Variants in MAD1L1 observed in about 807,000 individuals in gnomAD.
MAD1L1 encodes mitotic spindle assembly checkpoint protein MAD1.
A neutral mutation model predicts 96.9 loss-of-function variants in MAD1L1; 95 were observed. The observed-to-expected ratio is 0.98, with a 90% CI of 0.83 to 1.16. The LOEUF (loss-of-function observed/expected upper bound fraction) is 1.16, where lower values mean the gene tolerates loss of function less well. MAD1L1 is among the 50% of genes most tolerant of loss of function. MAD1L1 has a pLI of 0.00. For synonymous variants in MAD1L1, 473 were observed against 396.6 expected, an observed-to-expected ratio of 1.19 and a Z score of -2.29; for missense variants, 1,007 against 954.4, an observed-to-expected ratio of 1.06 and a Z score of -0.73.
At chr7:1,932,244 A>G (rs922755304) in intron 17 of MAD1L1, among the ~76,000 whole-genome samples, 2 of 151,662 alleles carry the variant, frequency 1.3e-5, no homozygotes, top group African/African-American at 4.9e-5. Flanking sequence ...TCTCTGCTCT[A>G]TATCCCAGAA....
intron 10 of MAD1L1, among the ~76,000 whole-genome samples, chr7:2,202,489 A>T (rs969242465): frequency 6.6e-6 from 1 of 152,206 alleles, no homozygotes; most frequent in African/African-American, 2.4e-5. Flanking sequence ...TGGGCTCCAC[A>T]AGAGCAGCTC....
At position 2,224,246 on chromosome 7, in the gene MAD1L1, A is replaced by G. The variant is rs528278239; in HGVS notation, c.291+1164T>C. Among the ~76,000 whole-genome samples, 207 of 152,136 alleles carry G rather than the reference A, an allele frequency of 1.4e-3. 1 individual carries two copies. Among genetic ancestry groups the G allele is most frequent in the African/African-American group, 4.9e-3 (202 of 41,490 alleles). ...CATACCATCAGCATGCTGCCTCCAG[A>G]CCAATGACCTGGTGGCTCCTCTCCA... On this transcript the variant is annotated intron_variant, in intron 4 of 18. Transcript: ENST00000265854.
chr7:2,124,418 G>C (rs760227305), intron 11 of MAD1L1, among the ~76,000 whole-genome samples: 2 of 152,234 alleles, frequency 1.3e-5, no homozygotes, highest in Non-Finnish European at 2.9e-5. Flanking sequence ...CCAGGACAGA[G>C]AGTAAGAAGA....
intron 14 of MAD1L1, among the ~76,000 whole-genome samples, chr7:1,987,407 C>T (rs113046666): frequency 0.018 from 2,749 of 152,326 alleles, 93 homozygotes; most frequent in African/African-American, 0.063. Context: ...TGTGTGCGGC[C>T]GAGCTCGGAA....
intron 17 of MAD1L1, among the ~76,000 whole-genome samples, chr7:1,914,293 G>T (rs1448589239): frequency 6.6e-6 from 1 of 152,236 alleles, no homozygotes; most frequent in African/African-American, 2.4e-5. Flanking sequence ...ACGTGGGAAG[G>T]GACTCTGCAG....
chr7:1,829,847 C>T (rs912061896), intron 18 of MAD1L1, among the ~76,000 whole-genome samples: 1 of 151,970 alleles, frequency 6.6e-6, no homozygotes, highest in African/African-American at 2.4e-5. Context: ...TGACAACTGA[C>T]CGACAGAGGA....
At chr7:1,843,696 C>A (rs920220477) in intron 18 of MAD1L1, among the ~76,000 whole-genome samples, 3 of 152,216 alleles carry the variant, frequency 2.0e-5, no homozygotes, top group African/African-American at 7.2e-5. Flanking sequence ...TGAAGACTCA[C>A]TTCTGGAGTG....
At chr7:1,946,654 T>G (rs1015351815) in intron 16 of MAD1L1, among the ~76,000 whole-genome samples, 10 of 152,244 alleles carry the variant, frequency 6.6e-5, no homozygotes, top group Non-Finnish European at 1.3e-4. Flanking sequence ...AAGAGCCGGC[T>G]GGCGGGTGCA....
At chr7:1,899,548 G>C (rs1188460917) in intron 17 of MAD1L1, among the ~76,000 whole-genome samples, 1 of 152,234 alleles carries the variant, frequency 6.6e-6, no homozygotes, top group Non-Finnish European at 1.5e-5. Flanking sequence ...CTGAGAAAGA[G>C]GATGTTAAAG....
At chr7:2,167,099 G>C (rs1482421315) in intron 10 of MAD1L1, among the ~76,000 whole-genome samples, 1 of 152,214 alleles carries the variant, frequency 6.6e-6, no homozygotes, top group Admixed American at 6.5e-5. Flanking sequence ...TCGCAGATAG[G>C]AGAGTGCCGG....
intron 12 of MAD1L1, among the ~76,000 whole-genome samples, chr7:2,020,790 G>A (rs1375194973): frequency 1.3e-5 from 2 of 151,406 alleles, no homozygotes; most frequent in African/African-American, 4.9e-5. Flanking sequence ...ACAAGGTCTT[G>A]CTCTGTCGTC....
intron 17 of MAD1L1, among the ~76,000 whole-genome samples, chr7:1,920,483 G>C (rs1010288170): frequency 6.6e-6 from 1 of 152,190 alleles, no homozygotes; most frequent in African/African-American, 2.4e-5. Context: ...AGGAAGACCC[G>C]CTGCACGCTC....
chr7:2,225,802 T>A (rs1180053501), intron 3 of MAD1L1, among the ~76,000 whole-genome samples: 1 of 152,216 alleles, frequency 6.6e-6, no homozygotes, highest in Non-Finnish European at 1.5e-5. Flanking sequence ...GGCAACGGCC[T>A]CGAATGCCAC....
chr7:1,906,724 CG>C (rs1787657147), intron 17 of MAD1L1, among the ~76,000 whole-genome samples: 2 of 152,220 alleles, frequency 1.3e-5, no homozygotes, highest in South Asian at 4.1e-4. Flanking sequence ...CCTGAGAACC[CG>C]GAACATGGAA....
Position 1,936,718 on chromosome 7 carries a change from G to A in MAD1L1, c.1776C>T (p.Ala592=), listed in dbSNP as rs549059639. Reference sequence around the variant, plus strand: ...CCTCCTTGGACGATGGCAGACTCGCGGCGGCAGCCTCAAGGTCGGCTGGGA... The same window carrying A: ...CCTCCTTGGACGATGGCAGACTCGCAGCGGCAGCCTCAAGGTCGGCTGGGA... ...GTVPADLEAA[A]ASLPSSKEVA... is the part of the protein sequence containing the mutation. The change falls in exon 17 of 19, where the codon GCC becomes GCT. Residue 592 remains alanine (A), a synonymous_variant. Coordinates refer to ENST00000265854, the MANE Select transcript of MAD1L1 (RefSeq NM_001013836.2). The A allele has an allele frequency of 4.6e-5, 72 of 1,559,820 alleles. No individual in the cohort carries two copies. The highest frequency in any genetic ancestry group is 3.3e-4 in the East Asian group (14 of 41,826).
At chr7:1,961,725 A>G (rs1779956699) in intron 15 of MAD1L1, among the ~76,000 whole-genome samples, 1 of 152,248 alleles carries the variant, frequency 6.6e-6, no homozygotes, top group South Asian at 2.1e-4. Context: ...TAGCTCCCAT[A>G]ATCCCCATGT....
chr7:1,833,879 C>G (rs1233716611), intron 18 of MAD1L1, among the ~76,000 whole-genome samples: 1 of 152,196 alleles, frequency 6.6e-6, no homozygotes, highest in Non-Finnish European at 1.5e-5. Flanking sequence ...ACCTGGAAGG[C>G]AGAGGTTGCA....
In MAD1L1 at chr7:2,222,647, C is replaced by A; in HGVS notation, c.399G>T (p.Gln133His). ...TGGCAGCATCCAAGTTCTGCTGACA[C>A]TGCCTGTTGCGCTCCAGCTGCTCCT... Reference protein sequence around the residue: ...KMQEQLERNRQCQQNLDAASK... With the variant: ...KMQEQLERNRHCQQNLDAASK... The change falls in exon 5 of 19, where the codon CAG becomes CAT. Residue 133 changes from glutamine to histidine, a missense_variant. Transcript: ENST00000265854. The A allele has an allele frequency of 6.2e-7, 1 of 1,613,436 alleles. No individual in the cohort carries two copies. The highest frequency in any genetic ancestry group is 1.7e-4 in the Middle Eastern group (1 of 6,060).
chr7:1,891,054 C>T (rs1484766331), intron 18 of MAD1L1, among the ~76,000 whole-genome samples: 4 of 152,236 alleles, frequency 2.6e-5, no homozygotes, highest in African/African-American at 7.2e-5. Context: ...TGCTGAGGTC[C>T]GGCAGGGGCA....
Sources: allele counts gnomAD v4.1 joint callset (sites outside exome capture counted in the v4.1 genomes callset), GRCh38; gene constraint gnomAD v4.1.1; transcripts MANE v1.5; gene names NCBI Gene and HGNC (gene_info 2026-07-23, HGNC 2026-07-21).